The following STARD9 variants were observed in gnomAD, a reference collection of about 807,000 sequenced individuals.
STARD9 encodes StAR related lipid transfer domain containing 9.
In STARD9, 346 loss-of-function variants were observed where a neutral mutation model predicts 399.8. The observed-to-expected ratio is 0.87, with a 90% CI of 0.79 to 0.95. The LOEUF (loss-of-function observed/expected upper bound fraction) is 0.95. STARD9 is among the 40% of genes least tolerant of loss of function. The probability of loss-of-function intolerance (pLI) is 0.00; values close to 1 mark genes in which losing one functional copy is unlikely to be tolerated. For synonymous variants in STARD9, 2,203 were observed against 2,143.5 expected, an observed-to-expected ratio of 1.03 and a Z score of -0.77; for missense variants, 5,832 against 5,667.5, an observed-to-expected ratio of 1.03 and a Z score of -0.93.
intron 3 of STARD9, among the ~76,000 whole-genome samples, chr15:42,616,687 C>T (rs763038765): frequency 1.9e-4 from 29 of 151,852 alleles, no homozygotes; most frequent in Non-Finnish European, 1.5e-5. Context: ...GTCAGGAGAT[C>T]GAGACCATCC....
In STARD9 at chr15:42,720,062, G is replaced by C. The variant is rs960238959; in HGVS notation, c.*488G>C. 2 of 153,502 alleles carry C rather than the reference G, an allele frequency of 1.3e-5. No individual in the cohort carries two copies. Among genetic ancestry groups the C allele is most frequent in the African/African-American group, 4.8e-5 (2 of 41,508 alleles). The allele number at this position is 153,502 out of a possible 1,614,324, so 9.5% of individuals were successfully genotyped here. A position where few individuals can be genotyped will look rare whatever the true frequency, so the allele number is the denominator to read the frequency against. Reference sequence around the variant, plus strand: ...ATGGGACGTTAAAAATACCAAAACAGAAAGAGGGTTTAAAAAACAGCTGCA... The same window carrying C: ...ATGGGACGTTAAAAATACCAAAACACAAAGAGGGTTTAAAAAACAGCTGCA... On this transcript the variant is annotated 3_prime_UTR_variant, in exon 33 of 33. Transcript: ENST00000290607.
chr15:42,698,948 C>A (rs776199959), intron 26 of STARD9, among the ~76,000 whole-genome samples: 11 of 151,940 alleles, frequency 7.2e-5, no homozygotes, highest in African/African-American at 2.4e-4. Flanking sequence ...TTCTACCCTG[C>A]GGTAGTGTTA....
At chr15:42,631,011 A>G (rs2059322715) in intron 3 of STARD9, among the ~76,000 whole-genome samples, 1 of 150,872 alleles carries the variant, frequency 6.6e-6, no homozygotes, top group Admixed American at 6.6e-5. Context: ...AAAAATAGAA[A>G]TGGAGTCTTA....
At chr15:42,575,935 T>TC (rs1325347867) in intron 1 of STARD9, among the ~76,000 whole-genome samples, 173 bp downstream of exon 1, 17 of 152,166 alleles carry the variant, frequency 1.1e-4, no homozygotes, top group Admixed American at 1.1e-3. Context: ...AGTCGAGCTT[T>TC]CGCGTTGTGT....
rs1329183490 is a variant in STARD9 at position 42,689,556 on chromosome 15, T to C, written c.7978T>C (p.Trp2660Arg). ...CAATACGGAAACTGACAGAGAGCCA[T>C]GGGATCCTGTGCAGGCTTTCTCCCA... ...LPNTETDREP[W>R]DPVQAFSHAA... is the part of the protein sequence containing the mutation. Residue 2660 changes from tryptophan to arginine, a missense_variant, in exon 23 of 33, where the codon TGG becomes CGG. Physicochemically the swap from Trp to Arg is moderately radical, Grantham distance 101 (BLOSUM62 -3). Around this residue, in one of 2 missense-constraint regions of STARD9, gnomAD observed 5,828 missense variants for 5,651.1 expected, o/e 1.03. Transcript: ENST00000290607. The C allele has an allele frequency of 6.5e-6, 10 of 1,537,300 alleles. No homozygotes were observed. The highest frequency in any genetic ancestry group is 8.7e-6 in the Non-Finnish European group (10 of 1,146,926).
In STARD9 at chr15:42,587,443, A is replaced by C. The variant is rs2058299434; in HGVS notation, c.234+1806A>C. Among the ~76,000 whole-genome samples, 3 of 152,322 alleles carry C rather than the reference A, an allele frequency of 2.0e-5. No homozygotes were observed. In the South Asian group the frequency reaches 6.2e-4, roughly 32 times the overall value. ...TTGTAGTCCTAATGTGTTTGCTGTT[A>C]ATGCTCAGTACAAAAGAGCAGTGTG... On this transcript the variant is annotated intron_variant, in intron 3 of 32. Transcript: ENST00000290607.
At chr15:42,658,473 G>C (rs2059923177) in intron 9 of STARD9, among the ~76,000 whole-genome samples, 1 of 142,092 alleles carries the variant, frequency 7.0e-6, no homozygotes, top group Non-Finnish European at 1.5e-5. Flanking sequence ...ACCATGCCTG[G>C]CCTTTTGCAC....
At chr15:42,626,741 A>G (rs1254748487) in intron 3 of STARD9, among the ~76,000 whole-genome samples, 1 of 144,028 alleles carries the variant, frequency 6.9e-6, no homozygotes, top group East Asian at 2.0e-4. Context: ...CGAACTCCTG[A>G]CCCCAGGTGA....
chr15:42,586,994 T>C (rs2058290046), intron 3 of STARD9, among the ~76,000 whole-genome samples: 2 of 152,112 alleles, frequency 1.3e-5, no homozygotes, highest in South Asian at 4.1e-4. Context: ...TAGCTGGGAC[T>C]ACAGGTGTGT....
rs1244267513 is a variant in STARD9 at position 42,693,049 on chromosome 15, C to T, written c.11471C>T (p.Ala3824Val). The T allele has an allele frequency of 2.0e-6, 3 of 1,537,138 alleles. No homozygotes were observed. Among genetic ancestry groups the T allele is most frequent in the African/African-American group, 2.7e-5 (2 of 73,120 alleles). The change falls in exon 23 of 33, where the codon GCC becomes GTC. Residue 3824 changes from alanine (A) to valine (V), a missense_variant. Transcript: ENST00000290607. ...IPSSHLRFQKAPVGQHLPSVS... is the reference protein window; with the variant it reads ...IPSSHLRFQKVPVGQHLPSVS... ...TCATCCCACTTGAGGTTTCAGAAAG[C>T]CCCCGTTGGGCAGCATCTTCCTTCT... is the stretch of plus-strand genomic sequence containing the variant.
intron 3 of STARD9, among the ~76,000 whole-genome samples, chr15:42,599,489 A>G (rs958990998): frequency 4.6e-5 from 7 of 152,150 alleles, no homozygotes; most frequent in East Asian, 1.9e-4. Flanking sequence ...TCCAGTTTCT[A>G]TCGTACAAAA....
rs927837609 is a variant in STARD9 at position 42,641,941 on chromosome 15, A to G, written c.559+3129A>G. 3.3e-5 allele frequency among the ~76,000 whole-genome samples: 5 copies of G among 152,240 alleles called. No individual in the cohort carries two copies. The East Asian group carries it at 7.7e-4, about 23-fold the overall frequency. The stretch of plus-strand genomic sequence containing the variant: ...TGAAGGAGCCATGAGCTGAAATAGT[A>G]TAGAACCAGCCTTGGAAGCTAGGAC... On this transcript the variant is annotated intron_variant, in intron 7 of 32. Transcript: ENST00000290607.
At position 42,635,323 on chromosome 15, in the gene STARD9, CTTAT is replaced by C. The variant is rs1323951552; in HGVS notation, c.351+364_351+367del. ...GAAGGTAACCTTTGAATAATTAACC[CTTAT>C]TTATTTATTTATATATTTTTGAGAC... On this transcript the variant is annotated intron_variant, in intron 4 of 32. Transcript: ENST00000290607. Among the ~76,000 whole-genome samples the C allele has an allele frequency of 2.0e-5, 3 of 151,596 alleles. No individual in the cohort carries two copies. The South Asian group carries it at 6.3e-4, about 32-fold the overall frequency.
intron 28 of STARD9, among the ~76,000 whole-genome samples, 177 bp downstream of exon 28, chr15:42,717,225 C>T (rs1250832215): frequency 6.6e-6 from 1 of 152,090 alleles, no homozygotes; most frequent in Non-Finnish European, 1.5e-5. Context: ...TAGCTCATGC[C>T]TATAATCCCA....
intron 26 of STARD9, among the ~76,000 whole-genome samples, chr15:42,699,539 G>A (rs1443743070): frequency 2.7e-5 from 4 of 150,914 alleles, no homozygotes; most frequent in Non-Finnish European, 1.5e-5. Context: ...GACTACAGGT[G>A]CCCGCCACCA....
chr15:42,591,833 G>T (rs1179062367), intron 3 of STARD9, among the ~76,000 whole-genome samples: 1 of 152,156 alleles, frequency 6.6e-6, no homozygotes, highest in Non-Finnish European at 1.5e-5. Context: ...AGCTTTATTT[G>T]TTAAATGCCT....
intron 1 of STARD9, 56 bp downstream of exon 1, chr15:42,575,818 A>G: frequency 1.3e-6 from 2 of 1,508,896 alleles, no homozygotes; most frequent in Admixed American, 2.0e-5. Context: ...AAAGAGCGGG[A>G]GGTCCGCGTC....
In STARD9 at chr15:42,581,822, C is replaced by T. The variant is rs552552047; in HGVS notation, c.48-1524C>T. Among the ~76,000 whole-genome samples the T allele has an allele frequency of 5.6e-4, 85 of 152,242 alleles. 1 individual carries two copies. The highest frequency in any genetic ancestry group is 2.9e-3 in the Admixed American group (44 of 15,294). Reference sequence around the variant, plus strand: ...GAATACATTACAACAATCTTTATTCCTCAGACCCCTGTGCTTGGCTGTCTG... The same window carrying T: ...GAATACATTACAACAATCTTTATTCTTCAGACCCCTGTGCTTGGCTGTCTG... On this transcript the variant is annotated intron_variant, in intron 1 of 32. Coordinates refer to ENST00000290607, the MANE Select transcript of STARD9 (RefSeq NM_020759.3).
Position 42,687,268 on chromosome 15 carries a change from C to A in STARD9, c.5690C>A (p.Ala1897Asp), listed in dbSNP as rs1261575028. 6.5e-7 allele frequency: 1 copy of A among 1,536,892 alleles called. No homozygotes were observed. Among genetic ancestry groups the A allele is most frequent in the Admixed American group, 2.0e-5 (1 of 51,010 alleles). Residue 1897 changes from alanine to aspartate, a missense_variant, in exon 23 of 33, where the codon GCT becomes GAT. By Grantham distance (126) the Ala-to-Asp change is moderately radical (BLOSUM62 -2). Transcript: ENST00000290607. Reference protein sequence around the residue: ...GEVTAQSCCGASSDSTESGKS... With the variant: ...GEVTAQSCCGDSSDSTESGKS... ...GTCACTGCTCAGTCCTGTTGCGGTG[C>A]TTCCTCAGACAGCACTGAGTCTGGG...
Sources: allele counts gnomAD v4.1 joint callset (sites outside exome capture counted in the v4.1 genomes callset), GRCh38; gene constraint gnomAD v4.1.1; regional missense constraint gnomAD v4.1.1; transcripts MANE v1.5; gene names NCBI Gene and HGNC (gene_info 2026-07-23, HGNC 2026-07-21).